The following CNTNAP2 variants were observed in gnomAD, a reference collection of about 807,000 sequenced individuals.
The protein encoded by CNTNAP2 is contactin associated protein 2, also known as contactin-associated protein-like 2.
Under a neutral mutation model 155.2 loss-of-function variants are expected in CNTNAP2, and 98 were observed. That is an observed-to-expected ratio of 0.63 (90% CI 0.54 to 0.75). The LOEUF (loss-of-function observed/expected upper bound fraction) is 0.75. Among genes scored for constraint, CNTNAP2 ranks in the 30% least tolerant of loss-of-function variants. CNTNAP2 has a pLI of 0.00. For missense variants in CNTNAP2, 1,727 were observed against 1,688.1 expected (o/e 1.02, Z -0.40); for synonymous variants, 651 against 631.2 (o/e 1.03, Z -0.47).
chr7:147,108,032 C>A, intron 4 of CNTNAP2, 115 bp from the exon 5 acceptor site: 1 of 917,644 alleles, frequency 1.1e-6, no homozygotes. Context: ...AGAGGACTGT[C>A]AATTTCTCAA....
At chr7:148,392,894 G>C (rs1563070985) in intron 22 of CNTNAP2, among the ~76,000 whole-genome samples, 1 of 99,672 alleles carries the variant, frequency 1.0e-5, no homozygotes, top group Non-Finnish European at 2.0e-5. Flanking sequence ...TTAGACTTGA[G>C]TATACCCAGC....
chr7:147,590,176 T>C (rs1213200567), intron 12 of CNTNAP2, among the ~76,000 whole-genome samples: 1 of 152,158 alleles, frequency 6.6e-6, no homozygotes, highest in African/African-American at 2.4e-5. Context: ...ACTGATTACT[T>C]TTTCTTTCCT....
chr7:148,369,569 G>A (rs1348546065), intron 21 of CNTNAP2, among the ~76,000 whole-genome samples: 1 of 151,688 alleles, frequency 6.6e-6, no homozygotes, highest in African/African-American at 2.4e-5. Flanking sequence ...CAAGATCTAA[G>A]GGGAACCAAG....
At chr7:146,130,309 T>A (rs960464656) in intron 1 of CNTNAP2, among the ~76,000 whole-genome samples, 1 of 152,022 alleles carries the variant, frequency 6.6e-6, no homozygotes, top group Non-Finnish European at 1.5e-5. Context: ...AAAGAAATAT[T>A]TAAAAACTAG....
At chr7:146,753,266 GA>G (rs145349127) in intron 1 of CNTNAP2, among the ~76,000 whole-genome samples, 1 of 150,752 alleles carries the variant, frequency 6.6e-6, no homozygotes, top group Non-Finnish European at 1.5e-5. Context: ...AATAACTCAG[GA>G]AAAAAAATAG....
intron 11 of CNTNAP2, among the ~76,000 whole-genome samples, chr7:147,549,955 ATTGT>A (rs923234082): frequency 2.0e-4 from 30 of 152,180 alleles, no homozygotes; most frequent in African/African-American, 6.8e-4. Flanking sequence ...TGATCATATA[ATTGT>A]TTGATAAAAA....
At chr7:146,855,811 A>G (rs1413759905) in intron 3 of CNTNAP2, among the ~76,000 whole-genome samples, 10 of 6,264 alleles carry the variant, frequency 1.6e-3, no homozygotes, top group South Asian at 0.013. Flanking sequence ...TAATGAGTAT[A>G]TATATATATA....
In CNTNAP2 at chr7:147,908,873, G is replaced by A. The variant is rs117618039; in HGVS notation, c.2255+5152G>A. ...AGACCAAAATGAGGACAAAGTACCCGTGCCACTTCCTTTCTGTGTGATCTA... is the reference window on the plus strand; with the variant it reads ...AGACCAAAATGAGGACAAAGTACCCATGCCACTTCCTTTCTGTGTGATCTA... On this transcript the variant is annotated intron_variant, in intron 14 of 23. Transcript: ENST00000361727. 8.5e-4 allele frequency among the ~76,000 whole-genome samples: 130 copies of A among 152,270 alleles called. 2 individuals are homozygous for A. The East Asian group carries it at 0.023, about 27-fold the overall frequency.
At chr7:146,141,626 C>T (rs13438087) in intron 1 of CNTNAP2, among the ~76,000 whole-genome samples, 3,046 of 152,196 alleles carry the variant, frequency 0.02, 93 homozygotes, top group African/African-American at 0.068. Context: ...TTCAAGAAAA[C>T]TCAACCTTAT....
At chr7:147,329,664 T>C (rs1195648152) in intron 9 of CNTNAP2, among the ~76,000 whole-genome samples, 1 of 152,186 alleles carries the variant, frequency 6.6e-6, no homozygotes, top group African/African-American at 2.4e-5. Flanking sequence ...TGAGGCCTTC[T>C]GACATATCTT....
At chr7:146,908,308 A>G (rs1214242478) in intron 3 of CNTNAP2, among the ~76,000 whole-genome samples, 2 of 149,786 alleles carry the variant, frequency 1.3e-5, no homozygotes, top group Non-Finnish European at 3.0e-5. Context: ...GACCTAATAG[A>G]CATCTACAGA....
chr7:147,047,275 A>AT (rs35453952), intron 4 of CNTNAP2, among the ~76,000 whole-genome samples: 9,737 of 111,322 alleles, frequency 0.087, 492 homozygotes, highest in Middle Eastern at 0.11. Flanking sequence ...CGCCCGGCTA[A>AT]TTTTTTTTTT....
chr7:147,675,286 C>T (rs1312910568), intron 13 of CNTNAP2, among the ~76,000 whole-genome samples: 3 of 152,078 alleles, frequency 2.0e-5, no homozygotes, highest in Non-Finnish European at 2.9e-5. Context: ...CACCCAAATC[C>T]AGGATGATTA....
intron 12 of CNTNAP2, among the ~76,000 whole-genome samples, chr7:147,593,207 C>G (rs1800771297): frequency 7.1e-6 from 1 of 141,182 alleles, no homozygotes; most frequent in South Asian, 2.3e-4. Context: ...TTAAGACCTT[C>G]CCTTATTTTT....
chr7:146,178,129 G>C (rs1798496658), intron 1 of CNTNAP2, among the ~76,000 whole-genome samples: 1 of 152,160 alleles, frequency 6.6e-6, no homozygotes, highest in African/African-American at 2.4e-5. Context: ...CACCTCCTGG[G>C]TTCTCGCCAT....
chr7:146,705,687 G>A (rs73457218), intron 1 of CNTNAP2, among the ~76,000 whole-genome samples: 7,837 of 152,134 alleles, frequency 0.052, 707 homozygotes, highest in African/African-American at 0.18. Flanking sequence ...GTCTTACATG[G>A]TGGCAGGCAA....
chr7:146,897,870 TAGATA>T (rs1266840386), intron 3 of CNTNAP2, among the ~76,000 whole-genome samples: 1 of 152,096 alleles, frequency 6.6e-6, no homozygotes, highest in Non-Finnish European at 1.5e-5. Flanking sequence ...CCTTAGGAAT[TAGATA>T]AGAAAAATTG....
At chr7:148,184,022 T>G (rs146825449) in intron 18 of CNTNAP2, among the ~76,000 whole-genome samples, 89 of 152,280 alleles carry the variant, frequency 5.8e-4, no homozygotes, top group African/African-American at 2.1e-3. Flanking sequence ...CTCCTTGCAG[T>G]TTTTTCCCTT....
At position 148,322,166 on chromosome 7, in the gene CNTNAP2, G is replaced by A. The variant is rs552613152; in HGVS notation, c.3475+55040G>A. Among the ~76,000 whole-genome samples, 8 of 152,062 alleles carry A rather than the reference G, an allele frequency of 5.3e-5. No homozygotes were observed. In the South Asian group the frequency reaches 8.3e-4, roughly 16 times the overall value. ...TCGAACTCCTAACCTCAGGGGATCC[G>A]CCCACCTTGGCCTCCCAAAGTGCTA... On this transcript the variant is annotated intron_variant, in intron 21 of 23. Transcript: ENST00000361727.
Sources: gnomAD v4.1 joint callset for allele counts (sites outside exome capture counted in the v4.1 genomes callset) on GRCh38, gnomAD v4.1.1 for gene constraint, MANE v1.5 for transcripts, NCBI Gene and HGNC (gene_info 2026-07-23, HGNC 2026-07-21) for gene names.